The following HMCN2 variants were observed in gnomAD, a reference collection of about 807,000 sequenced individuals.
HMCN2 encodes the protein hemicentin-2.
A neutral mutation model predicts 377.5 loss-of-function variants in HMCN2; 325 were observed. The ratio of observed to expected loss-of-function variants is 0.86; its 90% CI spans 0.79 to 0.94. The LOEUF is 0.94. Ranked by LOEUF, HMCN2 falls within the 40% of genes least tolerant of loss-of-function variation. The pLI is 0.00. For missense variants in HMCN2, 4,543 were observed against 4,725.3 expected (o/e 0.96, Z 1.13); for synonymous variants, 2,007 against 2,046.8 (o/e 0.98, Z 0.53).
chr9:130,306,396 G>A, intron 12 of HMCN2, 126 bp downstream of exon 12: 1 of 398,346 alleles, frequency 2.5e-6, no homozygotes. Context: ...TTGCTCCTGG[G>A]ATCATTTGAG....
At position 130,348,577 on chromosome 9, in the gene HMCN2, G is replaced by A; in HGVS notation, c.4057G>A (p.Ala1353Thr). The change falls in exon 27 of 98, where the codon GCC becomes ACC. Residue 1353 changes from alanine (A) to threonine (T), a missense_variant. Ala to Thr is a moderately conservative substitution (Grantham distance 58). Coordinates refer to ENST00000683500, the MANE Select transcript of HMCN2 (RefSeq NM_001291815.2). Reference sequence around the variant, plus strand: ...CAGCATCCGGGAGGACGGGCGCAAGGCCAACGTGTCGGGTATGGCCGGGCA... The same window carrying A: ...CAGCATCCGGGAGGACGGGCGCAAGACCAACGTGTCGGGTATGGCCGGGCA... ...PPSIREDGRK[A>T]NVSGMAGQSL... is the part of the protein sequence containing the mutation. 3.1e-6 allele frequency: 4 copies of A among 1,304,278 alleles called. No individual in the cohort carries two copies. Among genetic ancestry groups the A allele is most frequent in the Non-Finnish European group, 4.0e-6 (4 of 988,944 alleles). The allele number at this position is 1,304,278 out of a possible 1,614,324, so 80.8% of individuals were successfully genotyped here.
chr9:130,377,483 T>C (rs1841454099), intron 52 of HMCN2, among the ~76,000 whole-genome samples, 166 bp from the exon 53 acceptor site: 1 of 152,268 alleles, frequency 6.6e-6, no homozygotes, highest in Non-Finnish European at 1.5e-5. Flanking sequence ...GTGGCCCTTC[T>C]CATCTTTAGG....
intron 6 of HMCN2, 101 bp from the exon 7 acceptor site, chr9:130,296,573 C>T (rs1290036144): frequency 2.4e-6 from 1 of 410,436 alleles, no homozygotes; most frequent in South Asian, 1.8e-5. Context: ...AGGAGGATTC[C>T]AGCTGCTGAT....
intron 61 of HMCN2, 52 bp downstream of exon 61, chr9:130,386,576 C>A: frequency 8.4e-7 from 1 of 1,186,820 alleles, no homozygotes; most frequent in Non-Finnish European, 1.1e-6. Flanking sequence ...CTAGCAACAC[C>A]CAGGGCTGCC....
rs1322389911 is a variant in HMCN2, at chr9:130,430,339, C to T, written c.14382C>T (p.Leu4794=). Residue 4794 remains leucine, a synonymous_variant, in exon 95 of 98, where the codon CTC becomes CTT. Coordinates refer to ENST00000683500, the MANE Select transcript of HMCN2 (RefSeq NM_001291815.2). ...CCTGCGCCTACCAGTGCCACAACCT[C>T]CAGGGCAGCTACCGCTGCCTGTGCC... ...PKACAYQCHN[L]QGSYRCLCPP... 6.5e-7 allele frequency: 1 copy of T among 1,547,888 alleles called. No individual in the cohort carries two copies. The highest frequency in any genetic ancestry group is 8.7e-7 in the Non-Finnish European group (1 of 1,146,908).
At chr9:130,386,567 T>C in intron 61 of HMCN2, 43 bp downstream of exon 61, 12 of 1,238,350 alleles carry the variant, frequency 9.7e-6, no homozygotes, top group Non-Finnish European at 1.3e-5. Context: ...GTGGAGCCCC[T>C]AGCAACACCC....
chr9:130,388,709 G>A (rs11244127), intron 62 of HMCN2, among the ~76,000 whole-genome samples, 169 bp downstream of exon 62: 39,429 of 149,766 alleles, frequency 0.26, 5,544 homozygotes, highest in African/African-American at 0.36. Context: ...GTGAAGCGTT[G>A]TTTATTGGCC....
intron 15 of HMCN2, among the ~76,000 whole-genome samples, chr9:130,318,870 G>A (rs1440249752): frequency 2.6e-5 from 4 of 152,228 alleles, no homozygotes; most frequent in Non-Finnish European, 4.4e-5. Flanking sequence ...AAGCTCTAGA[G>A]AAGAGGGTGA....
At position 130,395,131 on chromosome 9, in the gene HMCN2, G is replaced by T. The variant is rs767946468; in HGVS notation, c.10774+23G>T. On this transcript the variant is annotated intron_variant, in intron 70 of 97. Transcript: ENST00000683500. ...AAGGTAGGTGGTGGGGGTGGGGTGG[G>T]GGCAGGGCCGGGAGGCAGGACGGGC... is the stretch of plus-strand genomic sequence containing the variant. 4 of 1,240,618 alleles carry T rather than the reference G, an allele frequency of 3.2e-6. 1 individual carries two copies. The highest frequency in any genetic ancestry group is 2.1e-6 in the Non-Finnish European group (2 of 951,478). 76.9% of individuals were successfully genotyped at this position (1,240,618 alleles called of 1,614,324 possible). A position where few individuals can be genotyped will look rare whatever the true frequency, so the allele number is the denominator to read the frequency against.
At chr9:130,398,077 CG>C (rs1209786737) in intron 74 of HMCN2, among the ~76,000 whole-genome samples, 3 of 129,896 alleles carry the variant, frequency 2.3e-5, no homozygotes, top group Non-Finnish European at 4.6e-5. Context: ...CACTTGAGCC[CG>C]GGAGTTTCAG....
intron 54 of HMCN2, among the ~76,000 whole-genome samples, chr9:130,379,793 G>T (rs1841602688): frequency 6.6e-6 from 1 of 152,256 alleles, no homozygotes; most frequent in Non-Finnish European, 1.5e-5. Flanking sequence ...CCCAAACGCT[G>T]ACGAAGCTCT....
chr9:130,384,564 C>T, intron 58 of HMCN2, 30 bp downstream of exon 58: 1 of 1,304,150 alleles, frequency 7.7e-7, no homozygotes, highest in South Asian at 1.2e-5. Flanking sequence ...CGGCCCAGCT[C>T]TAAGGTTACA....
chr9:130,295,902 G>A (rs12348163), intron 6 of HMCN2, 130 bp downstream of exon 6: 103,008 of 379,548 alleles, frequency 0.27, 15,455 homozygotes, highest in East Asian at 0.48. Flanking sequence ...TGATGTGGTC[G>A]TATCAATAGA....
At chr9:130,400,697 T>A in intron 76 of HMCN2, 86 bp from the exon 77 acceptor site, 1 of 1,024,424 alleles carries the variant, frequency 9.8e-7, no homozygotes, top group Non-Finnish European at 1.2e-6. Flanking sequence ...TGATGTCACC[T>A]TGTGTACTAG....
chr9:130,325,033 G>A (rs1314718967), intron 19 of HMCN2, among the ~76,000 whole-genome samples: 4 of 151,094 alleles, frequency 2.6e-5, no homozygotes, highest in South Asian at 4.2e-4. Flanking sequence ...CCTCTTCATC[G>A]CTTCCTCCCC....
At position 130,385,564 on chromosome 9, in the gene HMCN2, C is replaced by G; in HGVS notation, c.9111C>G (p.Pro3037=). 1 of 1,303,956 alleles carries G rather than the reference C, an allele frequency of 7.7e-7. No individual in the cohort carries two copies. The allele number at this position is 1,303,956 out of a possible 1,614,324, so 80.8% of individuals were successfully genotyped here. The change falls in exon 60 of 98, where the codon CCC becomes CCG. Residue 3037 remains proline (P), a synonymous_variant. Coordinates refer to ENST00000683500, the MANE Select transcript of HMCN2 (RefSeq NM_001291815.2). ...TCTGCTATCTCCTGCCCCCAGTTCC[C>G]CCGGCCTTCAGGCAGGCTCCCAGAG... ...QKLVQLSVLV[P]PAFRQAPRGP... is the part of the protein sequence containing the mutation.
At chr9:130,328,137 G>A (rs1400936791) in intron 22 of HMCN2, among the ~76,000 whole-genome samples, 2 of 152,206 alleles carry the variant, frequency 1.3e-5, no homozygotes, top group African/African-American at 4.8e-5. Flanking sequence ...GCCCTGTAAC[G>A]TGACCCCCGC....
Position 130,351,812 on chromosome 9 carries a change from T to TTG in HMCN2, c.4585+235_4585+236insTG, listed in dbSNP as rs1839733195. 2.0e-5 allele frequency among the ~76,000 whole-genome samples: 3 copies of TTG among 152,060 alleles called. No homozygotes were observed. The East Asian group carries it at 5.8e-4, about 29-fold the overall frequency. The stretch of plus-strand genomic sequence containing the variant: ...TTCCATCCCAGCTCTAAAAATTTAC[T>TTG]ACTTATGTTTTTTTTTTGAGATGAA... On this transcript the variant is annotated intron_variant, in intron 30 of 97. Transcript: ENST00000683500. This position sits in a 1 kb window ranked among gnomAD's most constrained non-coding sequence, Gnocchi z 5.4.
chr9:130,346,988 T>TG (rs1253852344), intron 25 of HMCN2, among the ~76,000 whole-genome samples, 178 bp from the exon 26 acceptor site: 12 of 151,890 alleles, frequency 7.9e-5, no homozygotes, highest in Non-Finnish European at 1.2e-4. Context: ...GTGGCGGGTG[T>TG]GGGGGCTCCC....
Sources: allele counts gnomAD v4.1 joint callset (sites outside exome capture counted in the v4.1 genomes callset), GRCh38; gene constraint gnomAD v4.1.1; non-coding constraint Gnocchi (gnomAD v3.1); transcripts MANE v1.5; gene names NCBI Gene and HGNC (gene_info 2026-07-23, HGNC 2026-07-21).